The following EAF1 variants were observed in gnomAD, a reference collection of about 807,000 sequenced individuals.
EAF1 encodes the protein ELL-associated factor 1.
A neutral mutation model predicts 26.6 loss-of-function variants in EAF1; 19 were observed. The observed-to-expected ratio is 0.71, with a 90% confidence interval of 0.50 to 1.05. The LOEUF (loss-of-function observed/expected upper bound fraction) is 1.05. EAF1 is among the 50% of genes least tolerant of loss of function. The probability of loss-of-function intolerance (pLI) is 0.00; values close to 1 mark genes in which losing one functional copy is unlikely to be tolerated. For missense variants in EAF1, 260 were observed against 335.5 expected (o/e 0.78, Z 1.76); for synonymous variants, 102 against 120.6 (o/e 0.85, Z 1.01).
rs1425010900 is a variant in EAF1 at position 15,440,249 on chromosome 3, A to G, written c.*1094A>G. On this transcript the variant is annotated 3_prime_UTR_variant, in exon 6 of 6. Transcript: ENST00000396842. ...GCGTATCTATTCATGCTTTTGTACC[A>G]CTGTTTTGTACCTGACTCCCTGACC... The G allele has an allele frequency of 1.3e-5, 2 of 152,092 alleles. No individual in the cohort carries two copies. Among genetic ancestry groups the G allele is most frequent in the African/African-American group, 2.4e-5 (1 of 41,410 alleles). The allele number at this position is 152,092 out of a possible 1,614,324, so 9.4% of individuals were successfully genotyped here.
Position 15,442,323 on chromosome 3 carries a change from A to G in EAF1, c.*3168A>G, listed in dbSNP as rs1048608. 39,943 of 152,288 alleles carry G rather than the reference A, an allele frequency of 0.26. 5,660 individuals carry two copies. The highest frequency in any genetic ancestry group is 0.32 in the Non-Finnish European group (21,611 of 67,980). 9.4% of individuals were successfully genotyped at this position (152,288 alleles called of 1,614,324 possible). On this transcript the variant is annotated 3_prime_UTR_variant, in exon 6 of 6. Coordinates refer to ENST00000396842, the MANE Select transcript of EAF1 (RefSeq NM_033083.7). ...ATATACAGCCAAAGTGGATGTTTCT[A>G]TTTGGCAAGGAAGGTAGGATTTCTG...
chr3:15,431,564 T>C lies in EAF1; in HGVS notation c.199-523T>C, dbSNP rs371882592. On this transcript the variant is annotated intron_variant, in intron 2 of 5. Coordinates refer to ENST00000396842, the MANE Select transcript of EAF1 (RefSeq NM_033083.7). Reference sequence around the variant, plus strand: ...GCCCGGTAGTGCAAGGCCAAGTGGCTAGTTTAAAGATTTTATCCTTTGGCC... The same window carrying C: ...GCCCGGTAGTGCAAGGCCAAGTGGCCAGTTTAAAGATTTTATCCTTTGGCC... Among the ~76,000 whole-genome samples the C allele has an allele frequency of 5.9e-5, 9 of 152,352 alleles. No individual in the cohort carries two copies. In the East Asian group the frequency reaches 1.2e-3, roughly 20 times the overall value.
At chr3:15,431,582 C>T (rs921322869) in intron 2 of EAF1, among the ~76,000 whole-genome samples, 3 of 152,196 alleles carry the variant, frequency 2.0e-5, no homozygotes, top group Non-Finnish European at 2.9e-5. Flanking sequence ...AGATTTTATC[C>T]TTTGGCCTGA....
In EAF1 at chr3:15,434,502, C is replaced by T; in HGVS notation, c.490C>T (p.Pro164Ser). 3 of 1,614,164 alleles carry T rather than the reference C, an allele frequency of 1.9e-6. No homozygotes were observed. Among genetic ancestry groups the T allele is most frequent in the Admixed American group, 1.7e-5 (1 of 60,024 alleles). The change falls in exon 4 of 6, where the codon CCC (proline) becomes TCC (serine). Residue 164 changes from proline to serine, a missense_variant. Pro to Ser is a moderately conservative substitution (Grantham distance 74). Transcript: ENST00000396842. Reference sequence around the variant, plus strand: ...CAAAACTTCTCCCTTGAAAGATAACCCCTCACCTGAACCTCAGTTGGATGA... The same window carrying T: ...CAAAACTTCTCCCTTGAAAGATAACTCCTCACCTGAACCTCAGTTGGATGA... ...GPKTSPLKDNPSPEPQLDDIK... is the reference protein window; with the variant it reads ...GPKTSPLKDNSSPEPQLDDIK...
At chr3:15,432,250 A>T (rs1484387745) in intron 3 of EAF1, 27 bp downstream of exon 3, 1 of 1,612,590 alleles carries the variant, frequency 6.2e-7, no homozygotes, top group Non-Finnish European at 8.5e-7. Flanking sequence ...ATGCAGGTTT[A>T]TATCATGTTT....
Position 15,439,315 on chromosome 3 carries a change from T to C in EAF1, c.*160T>C, listed in dbSNP as rs944155666. On this transcript the variant is annotated 3_prime_UTR_variant, in exon 6 of 6. Coordinates refer to ENST00000396842, the MANE Select transcript of EAF1 (RefSeq NM_033083.7). ...TCACATATTCAAGTCTTTAACTTAG[T>C]GGTGATGGGTGATTTTCTCGTGTCA... 1.8e-6 allele frequency: 1 copy of C among 548,984 alleles called. No individual in the cohort carries two copies. Among genetic ancestry groups the C allele is most frequent in the Admixed American group, 3.7e-5 (1 of 27,226 alleles). The allele number at this position is 548,984 out of a possible 1,614,324, so 34.0% of individuals were successfully genotyped here. A position where few individuals can be genotyped will look rare whatever the true frequency, so the allele number is the denominator to read the frequency against.
At chr3:15,438,762 T>C (rs1444717655) in intron 5 of EAF1, 1 of 171,396 alleles carries the variant, frequency 5.8e-6, no homozygotes, top group African/African-American at 2.4e-5. Flanking sequence ...TGGCCTCAAA[T>C]GATCTCCCTG....
At chr3:15,430,284 C>T (rs1167625216) in intron 2 of EAF1, among the ~76,000 whole-genome samples, 1 of 151,762 alleles carries the variant, frequency 6.6e-6, no homozygotes, top group Non-Finnish European at 1.5e-5. Flanking sequence ...CATGGTGAAA[C>T]CCCGTCTGTA....
rs1250365761 is a variant in EAF1 at position 15,442,547 on chromosome 3, A to G, written c.*3392A>G. The G allele has an allele frequency of 2.0e-5, 3 of 152,594 alleles. No homozygotes were observed. Among genetic ancestry groups the G allele is most frequent in the African/African-American group, 4.8e-5 (2 of 41,428 alleles). 9.5% of individuals were successfully genotyped at this position (152,594 alleles called of 1,614,324 possible). ...CATTTATGTAAAATATTTGCTGTGT[A>G]AAGTATTTTTTGTTTATTCTCTTAA... On this transcript the variant is annotated 3_prime_UTR_variant, in exon 6 of 6. Coordinates refer to ENST00000396842, the MANE Select transcript of EAF1 (RefSeq NM_033083.7).
In EAF1 at chr3:15,440,717, GT is replaced by G. The variant is rs2061863293; in HGVS notation, c.*1563del. On this transcript the variant is annotated 3_prime_UTR_variant, in exon 6 of 6. Transcript: ENST00000396842. ...CAGCATGCTCACACCACCTACCCTA[GT>G]GTAGGTAATAGGTCTACGCTAGGAC... is the stretch of plus-strand genomic sequence containing the variant. 1 of 152,658 alleles carries G rather than the reference GT, an allele frequency of 6.6e-6. No homozygotes were observed. Among genetic ancestry groups the G allele is most frequent in the Non-Finnish European group, 1.5e-5 (1 of 68,062 alleles). The allele number at this position is 152,658 out of a possible 1,614,324, so 9.5% of individuals were successfully genotyped here. A position where few individuals can be genotyped will look rare whatever the true frequency, so the allele number is the denominator to read the frequency against.
intron 1 of EAF1, among the ~76,000 whole-genome samples, chr3:15,429,490 C>G (rs1478755679): frequency 6.6e-6 from 1 of 152,156 alleles, no homozygotes; most frequent in Non-Finnish European, 1.5e-5. Context: ...GTTTCATATG[C>G]TGTTACTTTT....
At chr3:15,434,286 C>T (rs1283902108) in intron 3 of EAF1, 62 bp from the exon 4 acceptor site, 3 of 1,580,812 alleles carry the variant, frequency 1.9e-6, no homozygotes, top group African/African-American at 1.4e-5. Context: ...TTTCAGTCAC[C>T]TGGACAAATT....
intron 4 of EAF1, 53 bp downstream of exon 4, chr3:15,434,591 TTTC>T (rs1309570966): frequency 1.1e-5 from 17 of 1,592,902 alleles, no homozygotes; most frequent in Non-Finnish European, 1.5e-5. Context: ...AGTGCTGAAT[TTTC>T]TTGTGGAGAT....
At chr3:15,436,197 A>G (rs1012823042) in intron 4 of EAF1, 145 bp from the exon 5 acceptor site, 2 of 546,358 alleles carry the variant, frequency 3.7e-6, no homozygotes, top group Non-Finnish European at 6.1e-6. Context: ...TTGTTTGTAC[A>G]TTTTTTAAGG....
rs1575452839 is a variant in EAF1 at position 15,436,460 on chromosome 3, C to T, written c.645C>T (p.Asp215=). 1.9e-6 allele frequency: 3 copies of T among 1,613,506 alleles called. No individual in the cohort carries two copies. The highest frequency in any genetic ancestry group is 2.5e-6 in the Non-Finnish European group (3 of 1,179,448). ...ATAGCTCCAGCAGTGGAGGCGAGGA[C>T]AATGGCCCAGCCTCTCCTCCGCAGC... ...DDDSSSSGGE[D]NGPASPPQPS... The change falls in exon 5 of 6, where the codon GAC becomes GAT. Residue 215 remains aspartate (D), a synonymous_variant. Coordinates refer to ENST00000396842, the MANE Select transcript of EAF1 (RefSeq NM_033083.7).
Position 15,440,779 on chromosome 3 carries a change from G to A in EAF1, c.*1624G>A, listed in dbSNP as rs2061864218. 1 of 152,586 alleles carries A rather than the reference G, an allele frequency of 6.6e-6. No homozygotes were observed. The allele number at this position is 152,586 out of a possible 1,614,324, so 9.5% of individuals were successfully genotyped here. A position where few individuals can be genotyped will look rare whatever the true frequency, so the allele number is the denominator to read the frequency against. On this transcript the variant is annotated 3_prime_UTR_variant, in exon 6 of 6. Coordinates refer to ENST00000396842, the MANE Select transcript of EAF1 (RefSeq NM_033083.7). Reference sequence around the variant, plus strand: ...GCTCTCAGCCCATCATGAGATTTTGGTGGATTTAATGGCAGGTAGGAACTT... The same window carrying A: ...GCTCTCAGCCCATCATGAGATTTTGATGGATTTAATGGCAGGTAGGAACTT...
chr3:15,436,215 A>G lies in EAF1; in HGVS notation c.527-127A>G, dbSNP rs374684025. The G allele has an allele frequency of 1.8e-5, 12 of 651,506 alleles. No individual in the cohort carries two copies. The African/African-American group carries it at 2.0e-4, about 11-fold the overall frequency. The allele number at this position is 651,506 out of a possible 1,614,324, so 40.4% of individuals were successfully genotyped here. ...TTTGTACATTTTTTAAGGTATTGAGAAGTAGGACTTTGTTTTAAATTATTT... is the reference window on the plus strand; with the variant it reads ...TTTGTACATTTTTTAAGGTATTGAGGAGTAGGACTTTGTTTTAAATTATTT... On this transcript the variant is annotated intron_variant, in intron 4 of 5. Coordinates refer to ENST00000396842, the MANE Select transcript of EAF1 (RefSeq NM_033083.7).
intron 5 of EAF1, 103 bp downstream of exon 5, chr3:15,436,678 G>A: frequency 2.0e-6 from 2 of 982,136 alleles, no homozygotes; most frequent in Non-Finnish European, 2.9e-6. Flanking sequence ...AGGCATGGGA[G>A]AGGATCTTGT....
At position 15,427,754 on chromosome 3, in the gene EAF1, T is replaced by A. The variant is rs376417139; in HGVS notation, c.-26T>A. 6.5e-7 allele frequency: 1 copy of A among 1,549,298 alleles called. No homozygotes were observed. Among genetic ancestry groups the A allele is most frequent in the African/African-American group, 1.4e-5 (1 of 72,978 alleles). ...CGCGGCTGCACCGGGAGAGCGCCGA[T>A]CTGGGTGCGAGGCAGGTGCGGGGCC... is the stretch of plus-strand genomic sequence containing the variant. On this transcript the variant is annotated 5_prime_UTR_variant, in exon 1 of 6. Transcript: ENST00000396842.
Sources: allele counts gnomAD v4.1 joint callset (sites outside exome capture counted in the v4.1 genomes callset), GRCh38; gene constraint gnomAD v4.1.1; transcripts MANE v1.5; gene names NCBI Gene and HGNC (gene_info 2026-07-23, HGNC 2026-07-21).